APOO: variants seen among roughly 807,000 people sequenced by gnomAD.
APOO encodes MICOS complex subunit MIC26.
APOO carries 11 observed loss-of-function variants against 23.1 expected under a neutral mutation model. The ratio of observed to expected loss-of-function variants is 0.48; its 90% confidence interval spans 0.30 to 0.79. APOO has a LOEUF of 0.79. Ranked by LOEUF, APOO falls within the 30% of genes least tolerant of loss-of-function variation. APOO has a pLI of 0.07. For synonymous variants in APOO, 59 were observed against 54.8 expected (o/e 1.08, Z -0.34); for missense variants, 160 against 142.7 (o/e 1.12, Z -0.62).
rs186966994 is a variant in APOO, at chrX:23,842,159, C to T, written c.562-1782G>A. On this transcript the variant is annotated intron_variant, in intron 7 of 8. Transcript: ENST00000379226. ...ATCCCAGCACTTCAGGAGGCCGAGG[C>T]GGGTGGATCACTTGAGCCCAGGAGT... 3.9e-3 allele frequency among the ~76,000 whole-genome samples: 435 copies of T among 111,214 alleles called. 1 individual carries two copies. Among genetic ancestry groups the T allele is most frequent in the Middle Eastern group, 9.2e-3 (2 of 218 alleles).
At chrX:23,905,711 T>C (rs1314908116) in intron 1 of APOO, among the ~76,000 whole-genome samples, 18 of 112,302 alleles carry the variant, frequency 1.6e-4, no homozygotes, top group African/African-American at 5.8e-4. Flanking sequence ...TATATTGAAA[T>C]AATCTTATTT....
At position 23,880,888 on chromosome X, in the gene APOO, G is replaced by C. The variant is rs1392516908; in HGVS notation, c.74C>G (p.Pro25Arg). Reference sequence around the variant, plus strand: ...ATTTTTGGGAGGTGAGTCCTTTTTTGGTGCTGCATAGACTTTGAAGGTGAG... The same window carrying C: ...ATTTTTGGGAGGTGAGTCCTTTTTTCGTGCTGCATAGACTTTGAAGGTGAG... ...SLLTFKVYAA[P>R]KKDSPPKNSV... The change falls in exon 2 of 9, where the codon CCA becomes CGA. Residue 25 changes from proline (P) to arginine (R), a missense_variant. Transcript: ENST00000379226. 1 of 1,185,147 alleles carries C rather than the reference G, an allele frequency of 8.4e-7. No homozygotes were observed. The highest frequency in any genetic ancestry group is 2.4e-5 in the Admixed American group (1 of 41,615).
chrX:23,843,139 G>A (rs182104917), intron 7 of APOO, among the ~76,000 whole-genome samples: 36 of 111,408 alleles, frequency 3.2e-4, no homozygotes, highest in Admixed American at 5.8e-4. Context: ...ATCTATACTC[G>A]CCAGTACCTC....
intron 5 of APOO, among the ~76,000 whole-genome samples, chrX:23,863,995 ATTT>A (rs767260523): frequency 1.0e-5 from 1 of 95,433 alleles, no homozygotes; most frequent in Non-Finnish European, 2.1e-5. Context: ...TGTGTTATTG[ATTT>A]TTTTTTTTTT....
At chrX:23,886,148 T>A (rs943333541) in intron 1 of APOO, among the ~76,000 whole-genome samples, 2 of 111,208 alleles carry the variant, frequency 1.8e-5, no homozygotes, top group African/African-American at 6.5e-5. Flanking sequence ...GCCAAATGTC[T>A]CCTGGGGAGC....
chrX:23,880,699 A>AAAATAAATAAATAAATAAAT (rs751766793), intron 2 of APOO, 146 bp downstream of exon 2: 10 of 168,831 alleles, frequency 5.9e-5, no homozygotes, highest in African/African-American at 3.6e-4. Context: ...ACTCCGTCTC[A>AAAATAAATAAATAAATAAAT]AAATAAATAA....
chrX:23,854,640 C>A (rs1460247136), intron 7 of APOO, among the ~76,000 whole-genome samples: 1 of 110,803 alleles, frequency 9.0e-6, no homozygotes, highest in Admixed American at 9.7e-5. Flanking sequence ...CCTGCCTCAG[C>A]CTCCTGAGTA....
At chrX:23,847,401 C>T (rs181571088) in intron 7 of APOO, among the ~76,000 whole-genome samples, 7,975 of 110,207 alleles carry the variant, frequency 0.072, 639 homozygotes, top group African/African-American at 0.23. Flanking sequence ...CCGAGGCGGG[C>T]GGATCACGAG....
chrX:23,864,662 A>C (rs1239150402), intron 5 of APOO, among the ~76,000 whole-genome samples: 1 of 112,221 alleles, frequency 8.9e-6, no homozygotes, highest in Non-Finnish European at 1.9e-5. Flanking sequence ...ATTGGCTTTA[A>C]AACTTTAAAC....
chrX:23,850,506 G>C (rs768330217), intron 7 of APOO, among the ~76,000 whole-genome samples: 49 of 111,410 alleles, frequency 4.4e-4, no homozygotes, highest in African/African-American at 1.6e-3. Context: ...ACCCACCCAA[G>C]GAGCCACCAA....
At chrX:23,884,865 C>T (rs192480170) in intron 1 of APOO, among the ~76,000 whole-genome samples, 59 of 111,249 alleles carry the variant, frequency 5.3e-4, no homozygotes, top group African/African-American at 1.9e-3. Context: ...AAAAGAGGGG[C>T]AAGTCTGAGG....
At chrX:23,864,203 C>T (rs1262577552) in intron 5 of APOO, among the ~76,000 whole-genome samples, 2 of 110,373 alleles carry the variant, frequency 1.8e-5, no homozygotes, top group Non-Finnish European at 3.8e-5. Context: ...CTATGTTGGT[C>T]AGTCTGGTCT....
chrX:23,879,144 G>A lies in APOO; in HGVS notation c.118-110C>T, dbSNP rs1047590376. 12 of 922,686 alleles carry A rather than the reference G, an allele frequency of 1.3e-5. No homozygotes were observed. In the African/African-American group the frequency reaches 1.8e-4, roughly 14 times the overall value. The allele number at this position is 922,686 out of a possible 1,213,427, so 76.0% of individuals were successfully genotyped here. On this transcript the variant is annotated intron_variant, in intron 2 of 8. Coordinates refer to ENST00000379226, the MANE Select transcript of APOO (RefSeq NM_024122.5). ...TATTTCTAGTAATTCATGAATTACA[G>A]TGACTCTGTGGTCGGGTGTGGTGGT...
rs2147060433 is a variant in APOO, at chrX:23,907,753, CACTATAGAGAGGTG to C, written c.-65_-52del. ...GGGTCACCCCGGCCTCGGCCACGCCCACTATAGAGAGGTGACTACGGAGGCCCGGTAGGGCCTTG... is the reference window on the plus strand; with the variant it reads ...GGGTCACCCCGGCCTCGGCCACGCCCACTACGGAGGCCCGGTAGGGCCTTG... On this transcript the variant is annotated 5_prime_UTR_variant, in exon 1 of 9. Transcript: ENST00000379226. 2 of 1,152,108 alleles carry C rather than the reference CACTATAGAGAGGTG, an allele frequency of 1.7e-6. No homozygotes were observed. The highest frequency in any genetic ancestry group is 6.7e-5 in the East Asian group (2 of 29,938). 94.9% of individuals were successfully genotyped at this position (1,152,108 alleles called of 1,213,427 possible).
rs1354631091 is a variant in APOO, at chrX:23,864,141, A to G, written c.388+4452T>C. ...CTCCCAAGAATCTGGGATTACAGGT[A>G]TGCGCCACCATGCCCAAATAATTTT... On this transcript the variant is annotated intron_variant, in intron 5 of 8. Coordinates refer to ENST00000379226, the MANE Select transcript of APOO (RefSeq NM_024122.5). Among the ~76,000 whole-genome samples the G allele has an allele frequency of 5.5e-5, 6 of 109,049 alleles. No homozygotes were observed. The South Asian group carries it at 2.4e-3, about 44-fold the overall frequency. The allele number at this position is 109,049 out of a possible 115,157, so 94.7% of individuals were successfully genotyped here. A position where few individuals can be genotyped will look rare whatever the true frequency, so the allele number is the denominator to read the frequency against.
At chrX:23,840,238 AAATT>A (rs750081361) in intron 8 of APOO, 71 bp downstream of exon 8, 8 of 552,478 alleles carry the variant, frequency 1.4e-5, no homozygotes, top group African/African-American at 1.2e-4. Context: ...TAATTAAATT[AAATT>A]AATTAAAAAC....
chrX:23,870,719 A>T (rs1925570933), intron 4 of APOO, among the ~76,000 whole-genome samples: 1 of 109,787 alleles, frequency 9.1e-6, no homozygotes, highest in Admixed American at 9.9e-5. Context: ...TGAGTCCAGG[A>T]AGTCAAGACT....
chrX:23,899,692 C>T (rs1305117301), intron 1 of APOO, among the ~76,000 whole-genome samples: 1 of 111,905 alleles, frequency 8.9e-6, no homozygotes, highest in Non-Finnish European at 1.9e-5. Flanking sequence ...TAAGTCTAAA[C>T]TTTTTGAAAC....
chrX:23,907,931 A>G lies in APOO; in HGVS notation c.-229T>C. 1 of 362,883 alleles carries G rather than the reference A, an allele frequency of 2.8e-6. No homozygotes were observed. Among genetic ancestry groups the G allele is most frequent in the Non-Finnish European group, 4.6e-6 (1 of 215,738 alleles). The allele number at this position is 362,883 out of a possible 1,213,427, so 29.9% of individuals were successfully genotyped here. A position where few individuals can be genotyped will look rare whatever the true frequency, so the allele number is the denominator to read the frequency against. ...CGCGTCGCGCCCGGGCAGCGGGTGA[A>G]CGCAAACCCCGCCCTCCAGGAGGCT... On this transcript the variant is annotated 5_prime_UTR_variant, in exon 1 of 9. Coordinates refer to ENST00000379226, the MANE Select transcript of APOO (RefSeq NM_024122.5).
Sources: gnomAD v4.1 joint callset for allele counts (sites outside exome capture counted in the v4.1 genomes callset) on GRCh38, gnomAD v4.1.1 for gene constraint, MANE v1.5 for transcripts, NCBI Gene and HGNC (gene_info 2026-07-23, HGNC 2026-07-21) for gene names.